Variants in RNLS observed in about 807,000 individuals in gnomAD.
RNLS encodes renalase, FAD dependent amine oxidase.
A neutral mutation model predicts 39.8 loss-of-function variants in RNLS; 39 were observed. The ratio of observed to expected loss-of-function variants is 0.98; its 90% confidence interval spans 0.76 to 1.28. The LOEUF (loss-of-function observed/expected upper bound fraction) is 1.28. RNLS is among the 50% of genes most tolerant of loss of function. The pLI is 0.00. For synonymous variants in RNLS, 147 were observed against 150.7 expected (o/e 0.98, Z 0.18); for missense variants, 410 against 413.3 (o/e 0.99, Z 0.07).
intron 5 of RNLS, chr10:88,343,459 G>A: frequency 1.3e-6 from 1 of 785,154 alleles, no homozygotes; most frequent in South Asian, 5.8e-5. Flanking sequence ...TCAGAATAAT[G>A]AAAGTAGGCA....
the RNLS span, among the ~76,000 whole-genome samples, chr10:88,186,924 G>A: frequency 6.5e-4 from 99 of 151,704 alleles, no homozygotes; most frequent in Non-Finnish European, 8.1e-4. Context: ...TCAAATTAAC[G>A]TAAGCAAAAC....
At chr10:88,229,014 AATCAATCC>A in the RNLS span, among the ~76,000 whole-genome samples, 1 of 152,156 alleles carries the variant, frequency 6.6e-6, no homozygotes. Flanking sequence ...TCAGTCAATC[AATCAATCC>A]ATCAATCCAC....
At chr10:88,524,996 T>C (rs1449414846) in intron 4 of RNLS, among the ~76,000 whole-genome samples, 63 of 124,066 alleles carry the variant, frequency 5.1e-4, no homozygotes, top group Middle Eastern at 4.5e-3. Context: ...TATATATATA[T>C]ATACACACAC....
At chr10:88,232,742 A>T in the RNLS span, among the ~76,000 whole-genome samples, 1 of 152,364 alleles carries the variant, frequency 6.6e-6, no homozygotes, top group Admixed American at 6.5e-5. Flanking sequence ...CAGTGGAGCC[A>T]TCTTTCAACC....
At chr10:88,424,590 T>C (rs529785325) in intron 4 of RNLS, among the ~76,000 whole-genome samples, 9 of 152,096 alleles carry the variant, frequency 5.9e-5, no homozygotes, top group Admixed American at 1.3e-4. Flanking sequence ...AAGTGTTCTA[T>C]CACATCTAAA....
chr10:88,198,931 A>T, the RNLS span, among the ~76,000 whole-genome samples: 1 of 152,194 alleles, frequency 6.6e-6, no homozygotes, highest in Non-Finnish European at 1.5e-5. Context: ...AAGTGTAACA[A>T]GGCATTTTTG....
intron 4 of RNLS, among the ~76,000 whole-genome samples, chr10:88,381,919 A>G (rs1452906592): frequency 4.0e-5 from 6 of 151,878 alleles, no homozygotes; most frequent in African/African-American, 1.5e-4. Context: ...TTTGGTACAT[A>G]CAAATTATAT....
At chr10:88,494,602 G>A (rs1055887505) in intron 4 of RNLS, among the ~76,000 whole-genome samples, 7 of 152,124 alleles carry the variant, frequency 4.6e-5, no homozygotes, top group East Asian at 1.9e-4. Context: ...GAATATGAAT[G>A]GTACATATTC....
chr10:88,299,214 C>T (rs1441222809), intron 6 of RNLS, among the ~76,000 whole-genome samples: 1 of 152,180 alleles, frequency 6.6e-6, no homozygotes, highest in Non-Finnish European at 1.5e-5. Context: ...TTCTCCAAGT[C>T]TGTGGCTGTC....
chr10:88,343,622 T>C lies in RNLS; in HGVS notation c.700+18930A>G, dbSNP rs946261518. The C allele has an allele frequency of 7.1e-5, 70 of 985,330 alleles. No homozygotes were observed. In the Admixed American group the frequency reaches 8.6e-4, roughly 12 times the overall value. 61.0% of individuals were successfully genotyped at this position (985,330 alleles called of 1,614,324 possible). ...TAATTTTCCTCTATTTTCCTTGTATTCGTTCCTTTAAAAATTCCATAGATT... is the reference window on the plus strand; with the variant it reads ...TAATTTTCCTCTATTTTCCTTGTATCCGTTCCTTTAAAAATTCCATAGATT... On this transcript the variant is annotated intron_variant, in intron 5 of 6. Transcript: ENST00000331772.
chr10:88,443,512 G>A (rs1014594320), intron 4 of RNLS, among the ~76,000 whole-genome samples: 5 of 152,320 alleles, frequency 3.3e-5, no homozygotes, highest in African/African-American at 7.2e-5. Context: ...GAAGCAGGGC[G>A]AGGCATCACC....
At chr10:88,418,960 C>T (rs1290555335) in intron 4 of RNLS, among the ~76,000 whole-genome samples, 1 of 152,142 alleles carries the variant, frequency 6.6e-6, no homozygotes, top group Non-Finnish European at 1.5e-5. Flanking sequence ...AATGACTTTG[C>T]TCTGAGAGCC....
At chr10:88,556,046 A>C (rs925686148) in intron 4 of RNLS, among the ~76,000 whole-genome samples, 3 of 152,104 alleles carry the variant, frequency 2.0e-5, no homozygotes, top group East Asian at 3.8e-4. Flanking sequence ...CTATTAAGCA[A>C]CTCAAACCCA....
chr10:88,548,077 C>T (rs995865009), intron 4 of RNLS, among the ~76,000 whole-genome samples: 2 of 149,728 alleles, frequency 1.3e-5, no homozygotes, highest in African/African-American at 4.9e-5. Context: ...GCCTGGGGAA[C>T]GCGGTGAAAC....
rs749032207 is a variant in RNLS, at chr10:88,314,671, T to C, written c.701-30A>G. On this transcript the variant is annotated intron_variant, in intron 5 of 6. Transcript: ENST00000331772. ...GGCATAAGAGGATCATAAAGATGCA[T>C]CTTAAAGTGGGTAGCAGGCAAGCAT... 8.2e-6 allele frequency: 13 copies of C among 1,593,700 alleles called. No homozygotes were observed. In the East Asian group the frequency reaches 1.3e-4, roughly 17 times the overall value.
intron 6 of RNLS, among the ~76,000 whole-genome samples, chr10:88,297,031 C>G (rs1231962725): frequency 6.6e-6 from 1 of 151,994 alleles, no homozygotes; most frequent in Admixed American, 6.6e-5. Context: ...GTAATATTTA[C>G]CCACTTAGCA....
chr10:88,215,428 GT>G, the RNLS span, among the ~76,000 whole-genome samples: 1 of 152,102 alleles, frequency 6.6e-6, no homozygotes, highest in Non-Finnish European at 1.5e-5. Context: ...AAAGTTCCTG[GT>G]TTGTGTTTAG....
intron 5 of RNLS, among the ~76,000 whole-genome samples, chr10:88,361,559 A>G (rs1211631856): frequency 6.6e-6 from 1 of 152,222 alleles, no homozygotes; most frequent in East Asian, 1.9e-4. Flanking sequence ...GATTGTACAT[A>G]TATGTGGTAT....
chr10:88,278,801 T>C (rs1842904255), intron 6 of RNLS, among the ~76,000 whole-genome samples: 1 of 152,220 alleles, frequency 6.6e-6, no homozygotes, highest in Non-Finnish European at 1.5e-5. Flanking sequence ...GATACTATTG[T>C]AATTATTGCC....
Sources: gnomAD v4.1 joint callset for allele counts (sites outside exome capture counted in the v4.1 genomes callset) on GRCh38, gnomAD v4.1.1 for gene constraint, MANE v1.5 for transcripts, NCBI Gene and HGNC (gene_info 2026-07-23, HGNC 2026-07-21) for gene names.